ZNF254: variants seen among roughly 807,000 people sequenced by gnomAD.
ZNF254 encodes zinc finger protein 254.
ZNF254 carries 10 observed loss-of-function variants against 12.4 expected under a neutral mutation model. The ratio of observed to expected loss-of-function variants is 0.80; its 90% confidence interval spans 0.50 to 1.36. ZNF254 has a LOEUF of 1.36. ZNF254 is among the 40% of genes most tolerant of loss of function. The pLI is 0.00. For missense variants in ZNF254, 996 were observed against 763.9 expected, an observed-to-expected ratio of 1.30 and a Z score of -3.58; for synonymous variants, 305 against 253.4, an observed-to-expected ratio of 1.20 and a Z score of -1.93.
intron 3 of ZNF254, among the ~76,000 whole-genome samples, chr19:24,110,704 A>G (rs1157885024): frequency 6.6e-6 from 1 of 152,148 alleles, no homozygotes; most frequent in Non-Finnish European, 1.5e-5. Flanking sequence ...GCTCTCTACA[A>G]CCCTTGGCAA....
rs1975026898 is a variant in ZNF254 at position 24,128,081 on chromosome 19, G to T, written c.*101G>T. The T allele has an allele frequency of 2.5e-6, 3 of 1,205,586 alleles. No individual in the cohort carries two copies. The highest frequency in any genetic ancestry group is 1.5e-5 in the African/African-American group (1 of 64,742). 74.7% of individuals were successfully genotyped at this position (1,205,586 alleles called of 1,614,324 possible). On this transcript the variant is annotated 3_prime_UTR_variant, in exon 4 of 4. Transcript: ENST00000357002. Reference sequence around the variant, plus strand: ...ACCTGAGAGAGGCGCTAATGCTTTTGACAGTACCTAAAACTTTAAAGAAAA... The same window carrying T: ...ACCTGAGAGAGGCGCTAATGCTTTTTACAGTACCTAAAACTTTAAAGAAAA...
chr19:24,119,900 TTTAA>T (rs1254456447), intron 3 of ZNF254, among the ~76,000 whole-genome samples: 1 of 152,154 alleles, frequency 6.6e-6, no homozygotes, highest in African/African-American at 2.4e-5. Flanking sequence ...ATTGCCTTAT[TTTAA>T]TTGTGTAGTG....
At chr19:24,071,402 A>G (rs1209380724) in intron 2 of ZNF254, among the ~76,000 whole-genome samples, 4 of 152,236 alleles carry the variant, frequency 2.6e-5, no homozygotes, top group African/African-American at 9.6e-5. Context: ...AGACCTGTCA[A>G]CAGTGGGGAT....
intron 1 of ZNF254, among the ~76,000 whole-genome samples, chr19:24,088,166 C>T (rs908265657): frequency 3.9e-5 from 6 of 151,988 alleles, no homozygotes; most frequent in African/African-American, 1.5e-4. Context: ...CCTTGGCCTC[C>T]GAAAGTGCTA....
At chr19:24,098,988 C>CTTTTTTTTTTTTTTTTTTTTT (rs927108646) in intron 1 of ZNF254, 1 of 74,768 alleles carries the variant, frequency 1.3e-5, no homozygotes, top group Non-Finnish European at 2.4e-5. Flanking sequence ...AGGCTTCGCT[C>CTTTTTTTTTTTTTTTTTTTTT]TTTTTTTTTT....
intron 1 of ZNF254, among the ~76,000 whole-genome samples, chr19:24,097,621 A>G (rs1309311074): frequency 6.6e-6 from 1 of 151,834 alleles, no homozygotes; most frequent in African/African-American, 2.4e-5. Context: ...ATCTCTATTA[A>G]AAATACAAAA....
chr19:24,125,995 C>CT (rs1045345556), intron 3 of ZNF254, among the ~76,000 whole-genome samples: 2 of 152,126 alleles, frequency 1.3e-5, no homozygotes, highest in African/African-American at 4.8e-5. Flanking sequence ...ACAGACTTTT[C>CT]TTTTTCTTCT....
chr19:24,062,051 C>T (rs566346425), intron 2 of ZNF254, among the ~76,000 whole-genome samples: 1 of 144,610 alleles, frequency 6.9e-6, no homozygotes, highest in Non-Finnish European at 1.5e-5. Flanking sequence ...CACCGTTGCA[C>T]TCCAGTCTGG....
chr19:24,126,112 C>T, intron 3 of ZNF254, 142 bp from the exon 4 acceptor site: 1 of 500,142 alleles, frequency 2.0e-6, no homozygotes, highest in South Asian at 8.1e-5. Flanking sequence ...ACATTTATGT[C>T]TATGAAAGAA....
intron 3 of ZNF254, among the ~76,000 whole-genome samples, chr19:24,119,547 T>A (rs1214471233): frequency 6.6e-6 from 1 of 152,112 alleles, no homozygotes; most frequent in Non-Finnish European, 1.5e-5. Flanking sequence ...TGGTTTGCAG[T>A]GTTGTGATCA....
rs1199496892 is a variant in ZNF254, at chr19:24,100,827, CT to C, written c.31-5095del. ...TCTACTTATATTCATGTTGTGTCAGCTTTTTTTTTTTTTTTTTTAGATGTGG... is the reference window on the plus strand; with the variant it reads ...TCTACTTATATTCATGTTGTGTCAGCTTTTTTTTTTTTTTTTTAGATGTGG... On this transcript the variant is annotated intron_variant, in intron 1 of 3. Transcript: ENST00000357002. Among the ~76,000 whole-genome samples, 1,279 of 129,838 alleles carry C rather than the reference CT, an allele frequency of 9.9e-3. 11 individuals are homozygous for C. The highest frequency in any genetic ancestry group is 0.029 in the African/African-American group (999 of 34,702). The allele number at this position is 129,838 out of a possible 152,430, so 85.2% of individuals were successfully genotyped here. A position where few individuals can be genotyped will look rare whatever the true frequency, so the allele number is the denominator to read the frequency against.
intron 1 of ZNF254, among the ~76,000 whole-genome samples, chr19:24,101,993 A>G (rs745556162): frequency 7.2e-5 from 11 of 152,214 alleles, no homozygotes; most frequent in Non-Finnish European, 1.5e-4. Flanking sequence ...ACTCAAAGAG[A>G]TAAACTAATT....
intron 2 of ZNF254, among the ~76,000 whole-genome samples, chr19:24,069,376 A>C (rs1971396211): frequency 6.9e-6 from 1 of 144,064 alleles, no homozygotes; most frequent in Non-Finnish European, 1.5e-5. Flanking sequence ...TGGGAGGCCG[A>C]GGCAGGTGGA....
At chr19:24,046,738 A>G (rs1970404838) in intron 2 of ZNF254, among the ~76,000 whole-genome samples, 1 of 151,838 alleles carries the variant, frequency 6.6e-6, no homozygotes, top group Admixed American at 6.6e-5. Context: ...TGGCTTCTGA[A>G]CATAAGGTCA....
chr19:24,071,685 G>T (rs1488382373), intron 2 of ZNF254, among the ~76,000 whole-genome samples: 1 of 152,096 alleles, frequency 6.6e-6, no homozygotes, highest in Non-Finnish European at 1.5e-5. Context: ...CTCCAGCCTG[G>T]GTGACAGAGT....
intron 3 of ZNF254, among the ~76,000 whole-genome samples, chr19:24,115,060 CTT>C (rs1044413900): frequency 2.0e-5 from 3 of 152,220 alleles, no homozygotes; most frequent in Admixed American, 6.5e-5. Context: ...AATAGGAACA[CTT>C]TTACACTGTT....
intron 1 of ZNF254, among the ~76,000 whole-genome samples, chr19:24,041,058 G>C: frequency 6.6e-6 from 1 of 152,234 alleles, no homozygotes; most frequent in East Asian, 1.9e-4. Context: ...CGAAGCTTGA[G>C]AAGCAATGGT....
At chr19:24,085,121 T>TG (rs1490721016), upstream of ZNF254, among the ~76,000 whole-genome samples, 3 of 149,890 alleles carry the variant, frequency 2.0e-5, no homozygotes, top group African/African-American at 4.9e-5. Flanking sequence ...ATAGTGGAGA[T>TG]GGGGGTTTCA....
upstream of ZNF254, among the ~76,000 whole-genome samples, chr19:24,085,785 G>C (rs545284079): frequency 1.3e-3 from 195 of 151,552 alleles, no homozygotes; most frequent in African/African-American, 4.0e-3. Context: ...TAAAAAAACA[G>C]TGTATAAACA....
Sources: allele counts gnomAD v4.1 joint callset (sites outside exome capture counted in the v4.1 genomes callset), GRCh38; gene constraint gnomAD v4.1.1; transcripts MANE v1.5; gene names NCBI Gene and HGNC (gene_info 2026-07-23, HGNC 2026-07-21).